Variants in MARK2 observed in about 807,000 individuals in gnomAD.
MARK2 encodes the protein microtubule affinity regulating kinase 2.
Under a neutral mutation model 89.8 loss-of-function variants are expected in MARK2, and 16 were observed. That is an observed-to-expected ratio of 0.18 (90% CI 0.12 to 0.27). The LOEUF is 0.27. Ranked by LOEUF, MARK2 falls within the 10% of genes least tolerant of loss-of-function variation. The pLI, the probability that MARK2 is intolerant of heterozygous loss-of-function variation, is 1.00. For synonymous variants in MARK2, 382 were observed against 399.5 expected (o/e 0.96, Z 0.52); for missense variants, 621 against 1,049.9 (o/e 0.59, Z 5.65).
chr11:63,853,355 T>A (rs1253192578), intron 1 of MARK2, among the ~76,000 whole-genome samples: 1 of 150,746 alleles, frequency 6.6e-6, no homozygotes, highest in African/African-American at 2.4e-5. Flanking sequence ...GCCGAGATCG[T>A]GCCATTGCAC....
intron 1 of MARK2, chr11:63,888,885 GC>G (rs766246496): frequency 7.5e-7 from 1 of 1,340,614 alleles, no homozygotes; most frequent in Non-Finnish European, 9.8e-7. Flanking sequence ...TCTGTACTTT[GC>G]CCTCGCTGCC....
At chr11:63,861,358 C>T (rs1036141720) in intron 1 of MARK2, among the ~76,000 whole-genome samples, 4 of 152,090 alleles carry the variant, frequency 2.6e-5, no homozygotes, top group Non-Finnish European at 4.4e-5. Flanking sequence ...TTGCTTGACC[C>T]CGGGAGGTGG....
intron 2 of MARK2, 66 bp from the exon 3 acceptor site, chr11:63,895,514 G>A: frequency 1.3e-6 from 2 of 1,491,602 alleles, no homozygotes; most frequent in South Asian, 2.3e-5. Flanking sequence ...AAAGGAGGAA[G>A]TAGATTGGAA....
rs1554989197 is a variant in MARK2, at chr11:63,909,285, T to C, written c.*48T>C. On this transcript the variant is annotated 3_prime_UTR_variant, in exon 19 of 19. Transcript: ENST00000402010. Reference sequence around the variant, plus strand: ...GCGGGGGCGGGCCAGCTGGACGGGCTGCCGGCCGCTGCGCCGCCCCACCTG... The same window carrying C: ...GCGGGGGCGGGCCAGCTGGACGGGCCGCCGGCCGCTGCGCCGCCCCACCTG... 2.0e-6 allele frequency: 3 copies of C among 1,490,388 alleles called. No homozygotes were observed. Among genetic ancestry groups the C allele is most frequent in the Non-Finnish European group, 1.8e-6 (2 of 1,116,692 alleles). 92.3% of individuals were successfully genotyped at this position (1,490,388 alleles called of 1,614,324 possible). A position where few individuals can be genotyped will look rare whatever the true frequency, so the allele number is the denominator to read the frequency against.
rs373691600 is a variant in MARK2 at position 63,902,243 on chromosome 11, C to G, written c.1147C>G (p.Leu383Val). 25 of 1,614,020 alleles carry G rather than the reference C, an allele frequency of 1.5e-5. No homozygotes were observed. The highest frequency in any genetic ancestry group is 1.3e-4 in the Admixed American group (8 of 59,994). ...ITLKPRPSAD[L>V]TNSSAPSPSH... Reference sequence around the variant, plus strand: ...CCTGAAACCCCGGCCTTCAGCTGATCTGACCAATAGCAGCGCCCCATCCCC... The same window carrying G: ...CCTGAAACCCCGGCCTTCAGCTGATGTGACCAATAGCAGCGCCCCATCCCC... The change falls in exon 12 of 19, where the codon CTG (leucine) becomes GTG (valine). Residue 383 changes from leucine to valine, a missense_variant. Coordinates refer to ENST00000402010, the MANE Select transcript of MARK2 (RefSeq NM_001039469.3). This position sits in a 1 kb window ranked among gnomAD's most constrained non-coding sequence, Gnocchi z 4.2.
At chr11:63,852,673 T>TAAAAAAAAAAA (rs550449276) in intron 1 of MARK2, among the ~76,000 whole-genome samples, 1 of 102,612 alleles carries the variant, frequency 9.7e-6, no homozygotes. Flanking sequence ...AAATAAGAAC[T>TAAAAAAAAAAA]AAAAAAAAAA....
At chr11:63,880,221 T>G (rs760790359) in intron 1 of MARK2, 3 of 151,888 alleles carry the variant, frequency 2.0e-5, no homozygotes, top group Non-Finnish European at 1.5e-5. Flanking sequence ...AGGAGATGAT[T>G]ATGCTGGGTG....
intron 1 of MARK2, among the ~76,000 whole-genome samples, chr11:63,847,714 T>C (rs1169196878): frequency 6.6e-6 from 1 of 152,224 alleles, no homozygotes; most frequent in East Asian, 1.9e-4. Context: ...CACCCTATGC[T>C]GAACCTGAAG....
chr11:63,905,971 T>C, intron 16 of MARK2, 117 bp from the exon 17 acceptor site: 1 of 791,882 alleles, frequency 1.3e-6, no homozygotes, highest in Non-Finnish European at 1.7e-6. Context: ...CTTCCGAAAA[T>C]GGGATGACCC....
At position 63,900,062 on chromosome 11, in the gene MARK2, C is replaced by T. The variant is rs1193322903; in HGVS notation, c.720C>T (p.Leu240=). The T allele has an allele frequency of 6.2e-7, 1 of 1,614,076 alleles. No homozygotes were observed. The highest frequency in any genetic ancestry group is 1.3e-5 in the African/African-American group (1 of 74,922). The change falls in exon 8 of 19, where the codon CTC becomes CTT. Residue 240 remains leucine (L), a synonymous_variant. Transcript: ENST00000402010. The surrounding 1 kb of genome is among the most constrained non-coding windows in gnomAD (Gnocchi z 4.7). ...EVDVWSLGVI[L]YTLVSGSLPF... ...ATGTGTGGAGCCTAGGAGTTATCCT[C>T]TATACACTGGTCAGCGGATCCCTGC... is the stretch of plus-strand genomic sequence containing the variant.
In MARK2 at chr11:63,899,064, G is replaced by C. The variant is rs1455591524; in HGVS notation, c.487G>C (p.Val163Leu). 1.2e-6 allele frequency: 2 copies of C among 1,611,652 alleles called. No individual in the cohort carries two copies. The highest frequency in any genetic ancestry group is 2.2e-5 in the East Asian group (1 of 44,866). Reference protein sequence around the residue: ...RAKFRQIVSAVQYCHQKFIVH... With the variant: ...RAKFRQIVSALQYCHQKFIVH... ...TCCTTCCTTTCAGATAGTGTCTGCTGTGCAGTACTGTCACCAGAAGTTTAT... is the reference window on the plus strand; with the variant it reads ...TCCTTCCTTTCAGATAGTGTCTGCTCTGCAGTACTGTCACCAGAAGTTTAT... The change falls in exon 7 of 19, where the codon GTG (valine) becomes CTG (leucine). Residue 163 changes from valine (V) to leucine (L), a missense_variant. By Grantham distance (32) the Val-to-Leu change is conservative. Around this residue, in one of 5 missense-constraint regions of MARK2, gnomAD observed 82 missense variants for 287.7 expected, o/e 0.29. Transcript: ENST00000402010.
intron 1 of MARK2, among the ~76,000 whole-genome samples, chr11:63,875,738 C>G (rs1226075540): frequency 6.6e-6 from 1 of 152,184 alleles, no homozygotes; most frequent in Non-Finnish European, 1.5e-5. Flanking sequence ...AAACAGTGAC[C>G]TGTTATGTTG....
At chr11:63,884,939 C>G (rs1939305788) in intron 1 of MARK2, among the ~76,000 whole-genome samples, 1 of 152,256 alleles carries the variant, frequency 6.6e-6, no homozygotes, top group South Asian at 2.1e-4. Flanking sequence ...CAGTGGCTCA[C>G]TCCTGTGATC....
intron 1 of MARK2, among the ~76,000 whole-genome samples, chr11:63,886,621 G>A (rs1200737783): frequency 6.6e-6 from 1 of 152,086 alleles, no homozygotes; most frequent in Non-Finnish European, 1.5e-5. Flanking sequence ...ATGGGGTTTC[G>A]CCATGTTGCT....
intron 17 of MARK2, 45 bp from the exon 18 acceptor site, chr11:63,908,215 G>A (rs1210734087): frequency 6.5e-7 from 1 of 1,532,706 alleles, no homozygotes; most frequent in African/African-American, 1.4e-5. Context: ...GGCGGAAGGA[G>A]CGAGAGATCC....
At position 63,901,838 on chromosome 11, in the gene MARK2, C is replaced by G. The variant is rs111550515; in HGVS notation, c.1102-360C>G. ...ATGAACTCCCAGCCTCCCTGCCCTG[C>G]TCTCCCTCTGGTGGTGGGATCCTTA... is the stretch of plus-strand genomic sequence containing the variant. On this transcript the variant is annotated intron_variant, in intron 11 of 18. Coordinates refer to ENST00000402010, the MANE Select transcript of MARK2 (RefSeq NM_001039469.3). Among the ~76,000 whole-genome samples, 84 of 152,206 alleles carry G rather than the reference C, an allele frequency of 5.5e-4. No homozygotes were observed. The Middle Eastern group carries it at 0.02, about 37-fold the overall frequency.
intron 1 of MARK2, among the ~76,000 whole-genome samples, chr11:63,842,377 C>T (rs548074209): frequency 3.9e-5 from 6 of 152,168 alleles, no homozygotes; most frequent in East Asian, 1.9e-4. Context: ...CCGCCACGCC[C>T]GGCTAATTTT....
chr11:63,884,735 C>T (rs1939293495), intron 1 of MARK2, among the ~76,000 whole-genome samples: 1 of 152,246 alleles, frequency 6.6e-6, no homozygotes. Flanking sequence ...GTTTTACAAG[C>T]TCTCCTACAC....
chr11:63,843,683 G>T (rs1016996632), intron 1 of MARK2, among the ~76,000 whole-genome samples: 8 of 151,496 alleles, frequency 5.3e-5, no homozygotes, highest in African/African-American at 1.9e-4. Flanking sequence ...GGAGTGTAGC[G>T]ATGCGATCTC....
Sources: gnomAD v4.1 joint callset for allele counts (sites outside exome capture counted in the v4.1 genomes callset) on GRCh38, gnomAD v4.1.1 for gene constraint, gnomAD v4.1.1 regional missense constraint, Gnocchi (gnomAD v3.1) non-coding constraint, MANE v1.5 for transcripts, NCBI Gene and HGNC (gene_info 2026-07-23, HGNC 2026-07-21) for gene names.